RPH3A: variants seen among roughly 807,000 people sequenced by gnomAD.
RPH3A encodes rabphilin 3A.
Under a neutral mutation model 102.2 loss-of-function variants are expected in RPH3A, and 48 were observed. The observed-to-expected ratio is 0.47, with a 90% confidence interval of 0.37 to 0.60. RPH3A has a LOEUF of 0.60. RPH3A is among the 20% of genes least tolerant of loss of function. The pLI is 0.00. For synonymous variants in RPH3A, 310 were observed against 324.3 expected (o/e 0.96, Z 0.47); for missense variants, 781 against 910.1 (o/e 0.86, Z 1.83).
intron 1 of RPH3A, among the ~76,000 whole-genome samples, chr12:112,685,591 C>A (rs1410026050): frequency 6.6e-6 from 1 of 152,096 alleles, no homozygotes; most frequent in African/African-American, 2.4e-5. Context: ...AATCAGTGAC[C>A]TTTTAAGGGT....
At chr12:112,754,638 GTTTTATAC>G (rs1335186103) in intron 1 of RPH3A, among the ~76,000 whole-genome samples, 1 of 152,196 alleles carries the variant, frequency 6.6e-6, no homozygotes, top group East Asian at 1.9e-4. Context: ...GATATGTCAA[GTTTTATAC>G]TTTTCAATAA....
chr12:112,650,762 C>A (rs2039968490), intron 1 of RPH3A: 1 of 150,772 alleles, frequency 6.6e-6, no homozygotes, highest in Admixed American at 6.6e-5. Flanking sequence ...TAGGGTCTCG[C>A]TCTGTCACCC....
At chr12:112,895,720 C>T in intron 20 of RPH3A, 57 bp from the exon 21 acceptor site, 1 of 1,283,106 alleles carries the variant, frequency 7.8e-7, no homozygotes, top group Non-Finnish European at 1.1e-6. Context: ...CCTCTTACCT[C>T]CCAATGCTGT....
intron 1 of RPH3A, among the ~76,000 whole-genome samples, chr12:112,601,227 C>T (rs948804099): frequency 6.6e-6 from 1 of 152,176 alleles, no homozygotes; most frequent in African/African-American, 2.4e-5. Flanking sequence ...AGGCTGCAAG[C>T]ACTTGATAAA....
chr12:112,826,752 A>G (rs2041882464), intron 2 of RPH3A, among the ~76,000 whole-genome samples: 1 of 152,220 alleles, frequency 6.6e-6, no homozygotes, highest in Non-Finnish European at 1.5e-5. Context: ...CCATGGTGTT[A>G]CATGCGCTGT....
chr12:112,690,398 A>G (rs1027295569), intron 1 of RPH3A, among the ~76,000 whole-genome samples: 5 of 152,210 alleles, frequency 3.3e-5, no homozygotes, highest in African/African-American at 1.2e-4. Context: ...AATGGGGAAG[A>G]AAGTGCCATG....
chr12:112,894,492 C>A, intron 19 of RPH3A, 86 bp from the exon 20 acceptor site: 2 of 1,133,204 alleles, frequency 1.8e-6, no homozygotes, highest in Non-Finnish European at 2.6e-6. Flanking sequence ...ATCAATTCAC[C>A]CTGATAAAGA....
chr12:112,818,881 C>T (rs191957848), intron 2 of RPH3A, among the ~76,000 whole-genome samples: 1 of 152,260 alleles, frequency 6.6e-6, no homozygotes, highest in African/African-American at 2.4e-5. Context: ...AGGATTTAGA[C>T]CTTTGTTTCT....
intron 1 of RPH3A, among the ~76,000 whole-genome samples, chr12:112,710,636 T>C (rs2040454400): frequency 6.6e-6 from 1 of 152,162 alleles, no homozygotes; most frequent in Non-Finnish European, 1.5e-5. Flanking sequence ...ACATAACAAA[T>C]GAGGCAGTTT....
rs141528990 is a variant in RPH3A at position 112,600,572 on chromosome 12, C to A, written c.-140+25253C>A. Among the ~76,000 whole-genome samples the A allele has an allele frequency of 1.4e-3, 214 of 152,344 alleles. 2 individuals carry two copies. Among genetic ancestry groups the A allele is most frequent in the African/African-American group, 4.7e-3 (195 of 41,578 alleles). On this transcript the variant is annotated intron_variant, in intron 1 of 21. Coordinates refer to the RPH3A transcript ENST00000543106. ...CACTATTAGCTACTCACTGCTCTGT[C>A]TGAGACCACCTTGGCCTGGACTTCA...
chr12:112,831,576 C>T (rs569523453), intron 3 of RPH3A, among the ~76,000 whole-genome samples: 11 of 150,482 alleles, frequency 7.3e-5, no homozygotes, highest in African/African-American at 2.4e-4. Context: ...TTTAATTTGC[C>T]TGTCTTCTAG....
intron 4 of RPH3A, among the ~76,000 whole-genome samples, chr12:112,838,828 G>A (rs1227363199): frequency 1.3e-5 from 2 of 152,072 alleles, no homozygotes; most frequent in Admixed American, 1.3e-4. Context: ...GTATTTCAGG[G>A]GGAAACATCT....
chr12:112,654,168 C>T (rs111522613), intron 1 of RPH3A, among the ~76,000 whole-genome samples: 8 of 152,318 alleles, frequency 5.3e-5, no homozygotes, highest in East Asian at 1.9e-4. Context: ...TTCAGAAACA[C>T]GTCCTGGGGG....
intron 1 of RPH3A, among the ~76,000 whole-genome samples, chr12:112,632,139 C>G (rs905184495): frequency 1.3e-5 from 2 of 152,142 alleles, no homozygotes; most frequent in Non-Finnish European, 2.9e-5. Flanking sequence ...CAAGCTCTCT[C>G]TCTGCCTGCT....
intron 1 of RPH3A, among the ~76,000 whole-genome samples, chr12:112,633,338 TG>T (rs2039821257): frequency 6.6e-6 from 1 of 152,216 alleles, no homozygotes; most frequent in Non-Finnish European, 1.5e-5. Flanking sequence ...CCAAAACTCA[TG>T]TTGAAACTTA....
At chr12:112,615,263 T>C (rs2039669661) in intron 1 of RPH3A, among the ~76,000 whole-genome samples, 1 of 152,160 alleles carries the variant, frequency 6.6e-6, no homozygotes, top group Non-Finnish European at 1.5e-5. Context: ...TTGCAGACCC[T>C]CGCAAAACTA....
At chr12:112,734,857 A>G (rs2040658478) in intron 1 of RPH3A, among the ~76,000 whole-genome samples, 1 of 152,208 alleles carries the variant, frequency 6.6e-6, no homozygotes, top group South Asian at 2.1e-4. Context: ...GAGGACAACC[A>G]GAAGTCCCTT....
intron 1 of RPH3A, among the ~76,000 whole-genome samples, chr12:112,770,549 G>A (rs2136072075): frequency 6.6e-6 from 1 of 152,186 alleles, no homozygotes; most frequent in South Asian, 2.1e-4. Context: ...TTGCCTTGTT[G>A]CCCAGGTTAG....
chr12:112,826,639 C>G (rs1226989432), intron 2 of RPH3A, among the ~76,000 whole-genome samples: 2 of 152,184 alleles, frequency 1.3e-5, no homozygotes, highest in Non-Finnish European at 2.9e-5. Context: ...CTGTCACTAC[C>G]AAATAGCTTT....
Sources: allele counts gnomAD v4.1 joint callset (sites outside exome capture counted in the v4.1 genomes callset), GRCh38; gene constraint gnomAD v4.1.1; transcripts MANE v1.5; gene names NCBI Gene and HGNC (gene_info 2026-07-23, HGNC 2026-07-21).